Variants in CXXC5 observed in about 807,000 individuals in gnomAD.
CXXC5 encodes CXXC finger protein 5, also known as CXXC-type zinc finger protein 5.
In CXXC5, 2 loss-of-function variants were observed where a neutral mutation model predicts 17.6. That is an observed-to-expected ratio of 0.11 (90% confidence interval 0.05 to 0.36). The LOEUF (loss-of-function observed/expected upper bound fraction) is 0.36. CXXC5 is among the 10% of genes least tolerant of loss of function. The pLI, the probability that CXXC5 is intolerant of heterozygous loss-of-function variation, is 1.00. For missense variants in CXXC5, 343 were observed against 458.3 expected (o/e 0.75, Z 2.30); for synonymous variants, 171 against 193.0 (o/e 0.89, Z 0.94).
intron 2 of CXXC5, 32 bp from the exon 3 acceptor site, chr5:139,682,831 C>T (rs749662084): frequency 1.1e-5 from 17 of 1,580,828 alleles, no homozygotes; most frequent in Non-Finnish European, 4.3e-6. Flanking sequence ...TGACTGAACT[C>T]TCTCCTTGTT....
At position 139,682,927 on chromosome 5, in the gene CXXC5, T is replaced by C; in HGVS notation, c.*20T>C. Reference sequence around the variant, plus strand: ...CAGTGACGGCGGCGGAACCCAAAGCTGCCCTCTCCGTGCAATGTCACTGCT... The same window carrying C: ...CAGTGACGGCGGCGGAACCCAAAGCCGCCCTCTCCGTGCAATGTCACTGCT... On this transcript the variant is annotated 3_prime_UTR_variant, in exon 3 of 3. Transcript: ENST00000302517. 1 of 1,578,520 alleles carries C rather than the reference T, an allele frequency of 6.3e-7. No individual in the cohort carries two copies. The highest frequency in any genetic ancestry group is 8.6e-7 in the Non-Finnish European group (1 of 1,159,382).
chr5:139,671,096 G>A (rs886957969), intron 1 of CXXC5, among the ~76,000 whole-genome samples: 10 of 152,228 alleles, frequency 6.6e-5, no homozygotes, highest in South Asian at 2.1e-4. Context: ...AGGGAGCCTC[G>A]GAGAGTGGGA....
At chr5:139,669,432 G>A (rs1756322876) in intron 1 of CXXC5, among the ~76,000 whole-genome samples, 2 of 151,970 alleles carry the variant, frequency 1.3e-5, no homozygotes, top group South Asian at 4.2e-4. Context: ...CGGGAGAGAG[G>A]GTAGGTCAGG....
chr5:139,668,397 G>A lies in CXXC5; in HGVS notation c.-160-11967G>A, dbSNP rs1756238704. On this transcript the variant is annotated intron_variant, in intron 1 of 2. Coordinates refer to ENST00000302517, the MANE Select transcript of CXXC5 (RefSeq NM_016463.9). The surrounding 1 kb of genome is among the most constrained non-coding windows in gnomAD (Gnocchi z 4.1). The stretch of plus-strand genomic sequence containing the variant: ...GACGCGGACGTGCCTGCGCGGCTCT[G>A]GCGGCCGCGTCTGCCGCCCCGGCGC... Among the ~76,000 whole-genome samples, 2 of 151,974 alleles carry A rather than the reference G, an allele frequency of 1.3e-5. No individual in the cohort carries two copies. The highest frequency in any genetic ancestry group is 4.8e-5 in the African/African-American group (2 of 41,398).
chr5:139,680,764 C>G lies in CXXC5; in HGVS notation c.241C>G (p.His81Asp). 1.2e-6 allele frequency: 2 copies of G among 1,613,580 alleles called. No homozygotes were observed. The highest frequency in any genetic ancestry group is 1.7e-6 in the Non-Finnish European group (2 of 1,180,022). Reference protein sequence around the residue: ...KSLRRSRPLSHYSSFGSSGGS... With the variant: ...KSLRRSRPLSDYSSFGSSGGS... ...CCTGCGCCGCTCCCGCCCGCTCTCC[C>G]ACTACTCTTCTTTTGGCAGCAGTGG... is the stretch of plus-strand genomic sequence containing the variant. Residue 81 changes from histidine to aspartate, a missense_variant, in exon 2 of 3, where the codon CAC (histidine) becomes GAC (aspartate). Physicochemically the swap from His to Asp is moderately conservative, Grantham distance 81. Around this residue, in one of 4 missense-constraint regions of CXXC5, gnomAD observed 297 missense variants for 363.4 expected, o/e 0.82. Coordinates refer to ENST00000302517, the MANE Select transcript of CXXC5 (RefSeq NM_016463.9).
intron 1 of CXXC5, among the ~76,000 whole-genome samples, chr5:139,657,941 T>G (rs1755576901): frequency 7.2e-6 from 1 of 139,278 alleles, no homozygotes. Context: ...CACCACCCAC[T>G]CTCACTCTGG....
chr5:139,677,878 G>A (rs1756944497), intron 1 of CXXC5, among the ~76,000 whole-genome samples: 1 of 152,244 alleles, frequency 6.6e-6, no homozygotes. Flanking sequence ...GTGTTGGAAG[G>A]AGCTGACTTC....
At chr5:139,682,770 C>T in intron 2 of CXXC5, 93 bp from the exon 3 acceptor site, 1 of 1,308,488 alleles carries the variant, frequency 7.6e-7, no homozygotes, top group Non-Finnish European at 1.0e-6. Context: ...TGTCCCTCCG[C>T]CATGAGGCCA....
At chr5:139,676,588 C>T (rs904697101) in intron 1 of CXXC5, among the ~76,000 whole-genome samples, 2 of 130,738 alleles carry the variant, frequency 1.5e-5, no homozygotes, top group African/African-American at 3.0e-5. Context: ...CTCCTCCCCA[C>T]CTCCTCTTCT....
Position 139,681,333 on chromosome 5 carries a change from G to T in CXXC5, c.810G>T (p.Arg270=). 1 of 1,612,578 alleles carries T rather than the reference G, an allele frequency of 6.2e-7. No homozygotes were observed. Among genetic ancestry groups the T allele is most frequent in the South Asian group, 1.1e-5 (1 of 91,058 alleles). ...RKRCGMCAPC[R]RRINCEQCSS... ...GCTGCGGCATGTGCGCGCCCTGCCG[G>T]CGGCGCATCAACTGCGAGCAGTGCA... is the stretch of plus-strand genomic sequence containing the variant. The change falls in exon 2 of 3, where the codon CGG becomes CGT. Residue 270 remains arginine, a synonymous_variant. Transcript: ENST00000302517.
Position 139,680,255 on chromosome 5 carries a change from G to A in CXXC5, c.-160-109G>A, listed in dbSNP as rs1391439048. 5 of 536,094 alleles carry A rather than the reference G, an allele frequency of 9.3e-6. No homozygotes were observed. In the African/African-American group the frequency reaches 9.5e-5, roughly 10 times the overall value. 33.2% of individuals were successfully genotyped at this position (536,094 alleles called of 1,614,324 possible). ...GGATCTGGTGCTTAATAAATGCCTG[G>A]TCAAGCACATGGTGGTCAGGATGAC... is the stretch of plus-strand genomic sequence containing the variant. On this transcript the variant is annotated intron_variant, in intron 1 of 2. Transcript: ENST00000302517.
At chr5:139,677,488 G>A (rs1756917317) in intron 1 of CXXC5, among the ~76,000 whole-genome samples, 1 of 152,164 alleles carries the variant, frequency 6.6e-6, no homozygotes, top group African/African-American at 2.4e-5. Flanking sequence ...GATGAGCCAG[G>A]TATCAGGGCC....
chr5:139,664,490 G>A (rs962543209), intron 1 of CXXC5, among the ~76,000 whole-genome samples: 2 of 152,170 alleles, frequency 1.3e-5, no homozygotes, highest in Non-Finnish European at 2.9e-5. Flanking sequence ...AGCACCAGGC[G>A]CTGCATGGCC....
chr5:139,655,182 G>A (rs1029201543), intron 1 of CXXC5, among the ~76,000 whole-genome samples: 3 of 152,080 alleles, frequency 2.0e-5, no homozygotes, highest in Non-Finnish European at 4.4e-5. Context: ...ACTAATCCCC[G>A]AGGCCCATCC....
At chr5:139,682,837 T>A in intron 2 of CXXC5, 26 bp from the exon 3 acceptor site, 1 of 1,584,836 alleles carries the variant, frequency 6.3e-7, no homozygotes, top group South Asian at 1.1e-5. Flanking sequence ...AACTCTCTCC[T>A]TGTTTTTGTC....
chr5:139,667,674 G>A (rs1213091739), intron 1 of CXXC5, among the ~76,000 whole-genome samples: 2 of 152,104 alleles, frequency 1.3e-5, no homozygotes. Flanking sequence ...AGTCAGTCCT[G>A]TGCTCTTAAG....
chr5:139,659,403 C>A (rs1241731779), intron 1 of CXXC5, among the ~76,000 whole-genome samples: 1 of 152,194 alleles, frequency 6.6e-6, no homozygotes, highest in African/African-American at 2.4e-5. Flanking sequence ...AGGCCCCCAG[C>A]CAGTCCAAGT....
In CXXC5 at chr5:139,658,678, C is replaced by T. The variant is rs1205649673; in HGVS notation, c.-161+9833C>T. Among the ~76,000 whole-genome samples the T allele has an allele frequency of 7.9e-5, 12 of 152,222 alleles. No homozygotes were observed. The South Asian group carries it at 2.3e-3, about 29-fold the overall frequency. On this transcript the variant is annotated intron_variant, in intron 1 of 2. Transcript: ENST00000302517. The surrounding 1 kb of genome is among the most constrained non-coding windows in gnomAD (Gnocchi z 4.1). ...AGGAAATGCAGGCTGTTGCTTCCAG[C>T]AACAGCCGGCAGGGCCGGGCGGCTT...
intron 1 of CXXC5, among the ~76,000 whole-genome samples, chr5:139,667,041 G>A (rs921656187): frequency 3.3e-5 from 5 of 152,182 alleles, no homozygotes; most frequent in Admixed American, 2.0e-4. Context: ...GCTCAGTTTA[G>A]TATGCCTCAC....
Sources: gnomAD v4.1 joint callset for allele counts (sites outside exome capture counted in the v4.1 genomes callset) on GRCh38, gnomAD v4.1.1 for gene constraint, gnomAD v4.1.1 regional missense constraint, Gnocchi (gnomAD v3.1) non-coding constraint, MANE v1.5 for transcripts, NCBI Gene and HGNC (gene_info 2026-07-23, HGNC 2026-07-21) for gene names.